The following NOL11 variants were observed in gnomAD, a reference collection of about 807,000 sequenced individuals.
NOL11 encodes the protein nucleolar protein 11.
Under a neutral mutation model 93.0 loss-of-function variants are expected in NOL11, and 42 were observed. That is an observed-to-expected ratio of 0.45 (90% confidence interval 0.35 to 0.58). NOL11 has a LOEUF of 0.58. Ranked by LOEUF, NOL11 falls within the 20% of genes least tolerant of loss-of-function variation. The pLI is 0.00. For missense variants in NOL11, 775 were observed against 841.8 expected (o/e 0.92, Z 0.98); for synonymous variants, 296 against 293.7 (o/e 1.01, Z -0.08).
At chr17:67,736,450 G>A (rs752682691) in intron 9 of NOL11, 12 of 517,848 alleles carry the variant, frequency 2.3e-5, no homozygotes, top group Non-Finnish European at 3.1e-5. Context: ...GCCCTCCCTT[G>A]TTTACCGATG....
rs956863366 is a variant in NOL11 at position 67,740,427 on chromosome 17, T to C, written c.1935+819T>C. On this transcript the variant is annotated intron_variant, in intron 16 of 17. Coordinates refer to ENST00000253247, the MANE Select transcript of NOL11 (RefSeq NM_015462.5). Reference sequence around the variant, plus strand: ...GAGTTCAAGACCAGCCTGACCAACATGGAGAAACCCCGTCTCTACTAAAAA... The same window carrying C: ...GAGTTCAAGACCAGCCTGACCAACACGGAGAAACCCCGTCTCTACTAAAAA... Among the ~76,000 whole-genome samples, 24 of 151,772 alleles carry C rather than the reference T, an allele frequency of 1.6e-4. 1 individual carries two copies. The highest frequency in any genetic ancestry group is 4.4e-5 in the Non-Finnish European group (3 of 67,890).
intron 4 of NOL11, among the ~76,000 whole-genome samples, chr17:67,722,024 C>T (rs942152236): frequency 6.6e-6 from 1 of 152,188 alleles, no homozygotes; most frequent in African/African-American, 2.4e-5. Context: ...CCAGGTCCAC[C>T]TGGTAGAAAC....
chr17:67,729,082 GTTTTTTTTGTTGTTGTTGT>G (rs2055126428), intron 7 of NOL11, among the ~76,000 whole-genome samples: 2 of 116,202 alleles, frequency 1.7e-5, no homozygotes, highest in Non-Finnish European at 3.5e-5. Context: ...CTTCTGTCTA[GTTTTTTTTGTTGTTGTTGT>G]TTTTTTTTTT....
intron 15 of NOL11, 86 bp from the exon 16 acceptor site, chr17:67,739,430 C>G: frequency 1.3e-6 from 1 of 764,720 alleles, no homozygotes; most frequent in Middle Eastern, 3.6e-4. Context: ...ATAAATTGAA[C>G]ATTTTTTTCA....
intron 7 of NOL11, among the ~76,000 whole-genome samples, chr17:67,733,687 T>G (rs2055175572): frequency 6.6e-6 from 1 of 152,186 alleles, no homozygotes. Context: ...CTGAGTTTTT[T>G]TTGTTGTTGT....
At chr17:67,721,117 C>T (rs2043214866) in intron 3 of NOL11, among the ~76,000 whole-genome samples, 1 of 152,198 alleles carries the variant, frequency 6.6e-6, no homozygotes, top group African/African-American at 2.4e-5. Flanking sequence ...TTAGCCTAAC[C>T]TCTAGTAGTC....
rs375089506 is a variant in NOL11, at chr17:67,737,527, T to C, written c.1238T>C (p.Ile413Thr). 5.6e-6 allele frequency: 9 copies of C among 1,603,424 alleles called. No individual in the cohort carries two copies. The highest frequency in any genetic ancestry group is 7.6e-6 in the Non-Finnish European group (9 of 1,177,328). The change falls in exon 12 of 18, where the codon ATT becomes ACT. Residue 413 changes from isoleucine to threonine, a missense_variant. Ile to Thr is a moderately conservative substitution (Grantham distance 89, BLOSUM62 -1). Transcript: ENST00000253247. ...STIMKDSEKHIEVEVRKFLAL... is the reference protein window; with the variant it reads ...STIMKDSEKHTEVEVRKFLAL... Reference sequence around the variant, plus strand: ...TTTCAGAAAGATTCAGAAAAACACATTGAAGTAGAAGTACGGAAATTTTTG... The same window carrying C: ...TTTCAGAAAGATTCAGAAAAACACACTGAAGTAGAAGTACGGAAATTTTTG...
Position 67,737,112 on chromosome 17 carries a change from TCC to T in NOL11, c.1186_1187del (p.Pro396ThrfsTer18). Reference protein sequence around the residue: ...KIEVSLQPEVPPSKQLLSTIM... With the variant: ...KIEVSLQPEVXPSKQLLSTIM... ...TTGAAGTGAGTTTACAGCCAGAGGT[TCC>T]ACCATCCAAACAACTTTTGTCAACC... On this transcript the variant is annotated frameshift_variant, in exon 11 of 18. Coordinates refer to ENST00000253247, the MANE Select transcript of NOL11 (RefSeq NM_015462.5). LOFTEE classifies it high-confidence loss of function. 6.2e-7 allele frequency: 1 copy of T among 1,611,536 alleles called. No individual in the cohort carries two copies.
chr17:67,738,909 T>C, intron 14 of NOL11, 23 bp from the exon 15 acceptor site: 1 of 1,477,142 alleles, frequency 6.8e-7, no homozygotes, highest in Non-Finnish European at 9.4e-7. Flanking sequence ...TTTGTTGAAG[T>C]ACGATTTTCC....
At chr17:67,727,518 G>A (rs978329219) in intron 7 of NOL11, among the ~76,000 whole-genome samples, 1 of 152,168 alleles carries the variant, frequency 6.6e-6, no homozygotes, top group Admixed American at 6.5e-5. Flanking sequence ...TTAGCTGGGT[G>A]TGGTGGCGCA....
chr17:67,727,905 T>G, intron 7 of NOL11, among the ~76,000 whole-genome samples: 2 of 105,804 alleles, frequency 1.9e-5, no homozygotes, highest in African/African-American at 3.9e-5. Context: ...GTCAACAGAG[T>G]GAGACTTTGT....
rs2055118710 is a variant in NOL11, at chr17:67,728,308, T to TTTACTAAGA, written c.853+1664_853+1672dup. 6.6e-5 allele frequency among the ~76,000 whole-genome samples: 10 copies of TTTACTAAGA among 152,248 alleles called. No homozygotes were observed. The South Asian group carries it at 2.1e-3, about 32-fold the overall frequency. ...AAAATAACTACCATGTGCCTGGCAC[T>TTTACTAAGA]TTACTAAGATTATCTCATTATTTGT... On this transcript the variant is annotated intron_variant, in intron 7 of 17. Transcript: ENST00000253247.
chr17:67,718,347 C>A (rs2043191775), intron 1 of NOL11, among the ~76,000 whole-genome samples: 1 of 152,178 alleles, frequency 6.6e-6, no homozygotes, highest in African/African-American at 2.4e-5. Context: ...AAAACCTGTG[C>A]TTTTGCTTCG....
chr17:67,722,672 G>C, intron 5 of NOL11, 35 bp downstream of exon 5: 1 of 1,479,646 alleles, frequency 6.8e-7, no homozygotes, highest in Non-Finnish European at 8.9e-7. Flanking sequence ...CCCATTTTGT[G>C]AAATTTCTTT....
Position 67,738,138 on chromosome 17 carries a change from C to T in NOL11, c.1546C>T (p.Leu516Phe), listed in dbSNP as rs149869108. The T allele has an allele frequency of 1.7e-4, 276 of 1,609,542 alleles. No individual in the cohort carries two copies. Among genetic ancestry groups the T allele is most frequent in the Non-Finnish European group, 2.2e-4 (259 of 1,176,794 alleles). Residue 516 changes from leucine (L) to phenylalanine (F), a missense_variant, in exon 14 of 18, where the codon CTT becomes TTT. Transcript: ENST00000253247. ...KIFLSIGDDS[L>F]QETDVNMESV... ...CCATCATAGCATTGGTGATGACAGT[C>T]TTCAAGAAACAGATGTTAATATGGA...
intron 15 of NOL11, 75 bp from the exon 16 acceptor site, chr17:67,739,441 A>T: frequency 2.4e-6 from 2 of 844,000 alleles, no homozygotes; most frequent in Non-Finnish European, 3.7e-6. Flanking sequence ...ATTTTTTTCA[A>T]TCTTCGTGAT....
At chr17:67,720,580 C>G (rs937580790) in intron 3 of NOL11, 2 of 152,302 alleles carry the variant, frequency 1.3e-5, no homozygotes, top group Non-Finnish European at 2.9e-5. Flanking sequence ...GGATTACAGG[C>G]ATGAGCCACT....
At chr17:67,739,230 A>G (rs2055232045) in intron 15 of NOL11, among the ~76,000 whole-genome samples, 1 of 152,202 alleles carries the variant, frequency 6.6e-6, no homozygotes, top group Non-Finnish European at 1.5e-5. Flanking sequence ...GGCCAAGTTA[A>G]GCTTCCTAAG....
intron 16 of NOL11, among the ~76,000 whole-genome samples, chr17:67,742,182 T>C (rs1430613237): frequency 6.6e-6 from 1 of 152,214 alleles, no homozygotes; most frequent in Non-Finnish European, 1.5e-5. Context: ...ACCAGCAAGG[T>C]CTGAGGCATT....
Sources: gnomAD v4.1 joint callset for allele counts (sites outside exome capture counted in the v4.1 genomes callset) on GRCh38, gnomAD v4.1.1 for gene constraint, MANE v1.5 for transcripts, NCBI Gene and HGNC (gene_info 2026-07-23, HGNC 2026-07-21) for gene names.